The following SPAG6 variants were observed in gnomAD, a reference collection of about 807,000 sequenced individuals.
SPAG6 encodes sperm-associated antigen 6.
In SPAG6, 49 loss-of-function variants were observed where a neutral mutation model predicts 58.5. That is an observed-to-expected ratio of 0.84 (90% CI 0.67 to 1.06). SPAG6 has a LOEUF of 1.06. Ranked by LOEUF, SPAG6 falls within the 50% of genes least tolerant of loss-of-function variation. SPAG6 has a pLI of 0.00. For synonymous variants in SPAG6, 233 were observed against 225.6 expected, an observed-to-expected ratio of 1.03 and a Z score of -0.29; for missense variants, 560 against 611.3, an observed-to-expected ratio of 0.92 and a Z score of 0.89.
At chr10:22,402,581 C>A (rs939027228) in intron 9 of SPAG6, among the ~76,000 whole-genome samples, 10 of 152,170 alleles carry the variant, frequency 6.6e-5, no homozygotes, top group Admixed American at 6.6e-4. Flanking sequence ...TTGCTGAAGC[C>A]ACTCACCCAG....
At chr10:22,385,827 A>G (rs1834051748) in intron 4 of SPAG6, among the ~76,000 whole-genome samples, 1 of 152,178 alleles carries the variant, frequency 6.6e-6, no homozygotes, top group African/African-American at 2.4e-5. Flanking sequence ...AAGGCACTAC[A>G]CATCTGGGAA....
At chr10:22,410,109 T>C (rs998212367) in intron 9 of SPAG6, among the ~76,000 whole-genome samples, 1 of 152,192 alleles carries the variant, frequency 6.6e-6, no homozygotes, top group African/African-American at 2.4e-5. Flanking sequence ...TAGTTTTCAT[T>C]GGTTGCTTTA....
At chr10:22,362,558 T>C (rs1419045197) in intron 2 of SPAG6, among the ~76,000 whole-genome samples, 1 of 151,510 alleles carries the variant, frequency 6.6e-6, no homozygotes, top group Non-Finnish European at 1.5e-5. Context: ...CTGGGCAACA[T>C]AGTGAGACCC....
intron 10 of SPAG6, among the ~76,000 whole-genome samples, chr10:22,414,526 G>C (rs772275034): frequency 5.9e-5 from 9 of 152,076 alleles, no homozygotes; most frequent in Non-Finnish European, 8.8e-5. Flanking sequence ...GTACAAGGTG[G>C]TTAAAGATAA....
chr10:22,346,018 G>T (rs1208596193), intron 2 of SPAG6, 200 bp downstream of exon 2: 1 of 1,545,742 alleles, frequency 6.5e-7, no homozygotes, highest in Non-Finnish European at 8.7e-7. Context: ...GGTGCGCGTT[G>T]TCCCTGTTTC....
intron 4 of SPAG6, among the ~76,000 whole-genome samples, chr10:22,381,198 A>G (rs989681144): frequency 1.3e-5 from 2 of 152,114 alleles, no homozygotes; most frequent in Non-Finnish European, 2.9e-5. Context: ...ATACCCAGAA[A>G]GCCCCCCACA....
chr10:22,403,293 T>C lies in SPAG6; in HGVS notation c.1314+2016T>C, dbSNP rs187312765. Among the ~76,000 whole-genome samples the C allele has an allele frequency of 8.0e-5, 12 of 149,716 alleles. No homozygotes were observed. The East Asian group carries it at 1.2e-3, about 16-fold the overall frequency. On this transcript the variant is annotated intron_variant, in intron 9 of 10. Transcript: ENST00000376624. ...ATGCTATCCCTCCCCCCAACCCCCA[T>C]CCCACAACAGTCCCCAGAGTGTGAT...
At chr10:22,416,139 A>T (rs7070356) in intron 10 of SPAG6, among the ~76,000 whole-genome samples, 9,688 of 152,122 alleles carry the variant, frequency 0.064, 757 homozygotes, top group African/African-American at 0.19. Context: ...ACTTCCAGAA[A>T]TTTTTGTTTT....
At chr10:22,367,621 A>G (rs1029133046) in intron 3 of SPAG6, among the ~76,000 whole-genome samples, 7 of 152,190 alleles carry the variant, frequency 4.6e-5, no homozygotes, top group Non-Finnish European at 8.8e-5. Context: ...AATAACAGAA[A>G]GAGTTAGGAG....
At chr10:22,395,772 C>T (rs1834278568) in intron 8 of SPAG6, among the ~76,000 whole-genome samples, 1 of 152,146 alleles carries the variant, frequency 6.6e-6, no homozygotes. Context: ...TCTAAGAAGG[C>T]TTTGTCTAAC....
At chr10:22,375,787 C>T (rs1833803056) in intron 4 of SPAG6, among the ~76,000 whole-genome samples, 1 of 151,996 alleles carries the variant, frequency 6.6e-6, no homozygotes, top group African/African-American at 2.4e-5. Context: ...CCGTGTTGAC[C>T]AGGCTCGTCT....
intron 4 of SPAG6, among the ~76,000 whole-genome samples, chr10:22,384,739 T>C (rs757819223): frequency 3.9e-5 from 6 of 152,164 alleles, no homozygotes; most frequent in Admixed American, 1.3e-4. Flanking sequence ...ACATTTAACA[T>C]TGCTACTCTG....
In SPAG6 at chr10:22,345,943, C is replaced by G. The variant is rs771580208; in HGVS notation, c.121+125C>G. The G allele has an allele frequency of 6.4e-7, 1 of 1,559,380 alleles. No individual in the cohort carries two copies. The highest frequency in any genetic ancestry group is 8.7e-7 in the Non-Finnish European group (1 of 1,152,186). ...TGGGGACCGGAGTTCGCAAAAGCAT[C>G]CATTCTTTTCAGCGGGTCTTTGGGG... On this transcript the variant is annotated intron_variant, in intron 2 of 10. Coordinates refer to ENST00000376624, the MANE Select transcript of SPAG6 (RefSeq NM_012443.4). The surrounding 1 kb of genome is among the most constrained non-coding windows in gnomAD (Gnocchi z 6.3).
chr10:22,396,466 T>C (rs1396963518), intron 8 of SPAG6, among the ~76,000 whole-genome samples: 1 of 152,176 alleles, frequency 6.6e-6, no homozygotes, highest in African/African-American at 2.4e-5. Flanking sequence ...AACCTCTTTT[T>C]CTTCCCCATG....
At position 22,416,633 on chromosome 10, in the gene SPAG6, G is replaced by C. The variant is rs753464389; in HGVS notation, c.1475G>C (p.Gly492Ala). The C allele has an allele frequency of 1.1e-5, 17 of 1,605,738 alleles. No homozygotes were observed. Among genetic ancestry groups the C allele is most frequent in the Non-Finnish European group, 1.3e-5 (15 of 1,173,074 alleles). ...TTCTTTTTCAGGTATTATTCCCCTG[G>C]ATATTCAGATACACTTCTGCAGAGG... ...PEEIVRYYSP[G>A]YSDTLLQRVD... The change falls in exon 11 of 11, where the codon GGA becomes GCA. Residue 492 changes from glycine (G) to alanine (A), a missense_variant. Gly to Ala is a moderately conservative substitution (Grantham distance 60, BLOSUM62 0). Transcript: ENST00000376624.
intron 2 of SPAG6, among the ~76,000 whole-genome samples, chr10:22,346,582 G>T (rs761286831): frequency 1.3e-5 from 2 of 148,724 alleles, no homozygotes; most frequent in Non-Finnish European, 3.0e-5. Context: ...ACCACCATCT[G>T]AACTGTAAGG....
intron 6 of SPAG6, among the ~76,000 whole-genome samples, chr10:22,388,374 C>T (rs1834114403): frequency 6.6e-6 from 1 of 152,096 alleles, no homozygotes; most frequent in African/African-American, 2.4e-5. Flanking sequence ...TAGTCATTTC[C>T]AACTTTCCAT....
At chr10:22,391,301 C>A (rs2132087448) in intron 7 of SPAG6, among the ~76,000 whole-genome samples, 1 of 152,238 alleles carries the variant, frequency 6.6e-6, no homozygotes, top group African/African-American at 2.4e-5. Flanking sequence ...TATTCTCAGG[C>A]TTATTATATC....
In SPAG6 at chr10:22,386,835, G is replaced by A. The variant is rs2132080642; in HGVS notation, c.554G>A (p.Arg185Lys). 4 of 1,613,702 alleles carry A rather than the reference G, an allele frequency of 2.5e-6. No individual in the cohort carries two copies. Among genetic ancestry groups the A allele is most frequent in the African/African-American group, 1.3e-5 (1 of 75,018 alleles). ...CAGGAGCCAGAAATTGCTTTGAAAAGGATTGCTGCTTCGGCCCTCAGTGAT... is the reference window on the plus strand; with the variant it reads ...CAGGAGCCAGAAATTGCTTTGAAAAAGATTGCTGCTTCGGCCCTCAGTGAT... ...CIQEPEIALK[R>K]IAASALSDIA... The change falls in exon 5 of 11, where the codon AGG becomes AAG. Residue 185 changes from arginine to lysine, a missense_variant. Arg to Lys is a conservative substitution (Grantham distance 26). Transcript: ENST00000376624.
Sources: gnomAD v4.1 joint callset for allele counts (sites outside exome capture counted in the v4.1 genomes callset) on GRCh38, gnomAD v4.1.1 for gene constraint, Gnocchi (gnomAD v3.1) non-coding constraint, MANE v1.5 for transcripts, NCBI Gene and HGNC (gene_info 2026-07-23, HGNC 2026-07-21) for gene names.